The following UGCG variants were observed in gnomAD, a reference collection of about 807,000 sequenced individuals.
The protein encoded by UGCG is UDP-glucose ceramide glucosyltransferase.
Under a neutral mutation model 49.5 loss-of-function variants are expected in UGCG, and 10 were observed. The ratio of observed to expected loss-of-function variants is 0.20; its 90% CI spans 0.12 to 0.34. UGCG has a LOEUF of 0.34. Ranked by LOEUF, UGCG falls within the 10% of genes least tolerant of loss-of-function variation. The pLI is 1.00. For synonymous variants in UGCG, 182 were observed against 158.2 expected (o/e 1.15, Z -1.13); for missense variants, 312 against 483.7 (o/e 0.65, Z 3.33).
intron 1 of UGCG, among the ~76,000 whole-genome samples, chr9:111,904,200 G>C (rs1001581157): frequency 1.3e-5 from 2 of 152,106 alleles, no homozygotes; most frequent in Non-Finnish European, 2.9e-5. Context: ...GCCTCACCTC[G>C]TATCAGTCTG....
intron 1 of UGCG, among the ~76,000 whole-genome samples, chr9:111,911,758 G>T (rs118087089): frequency 0.038 from 5,796 of 151,258 alleles, 163 homozygotes; most frequent in African/African-American, 0.074. Context: ...AATTAGCCTG[G>T]TGTGGTGGAG....
chr9:111,919,558 G>A (rs968214526), intron 2 of UGCG, among the ~76,000 whole-genome samples: 1 of 152,148 alleles, frequency 6.6e-6, no homozygotes, highest in African/African-American at 2.4e-5. Context: ...CTGGGAGGCC[G>A]AGGCAGGCAG....
chr9:111,919,787 T>TC (rs1009701487), intron 2 of UGCG, among the ~76,000 whole-genome samples: 1 of 123,020 alleles, frequency 8.1e-6, no homozygotes, highest in Non-Finnish European at 1.6e-5. Flanking sequence ...AGAGCGAGAC[T>TC]CCATCTCAAA....
chr9:111,904,931 G>A (rs534908647), intron 1 of UGCG, among the ~76,000 whole-genome samples: 1 of 152,204 alleles, frequency 6.6e-6, no homozygotes, highest in Non-Finnish European at 1.5e-5. Context: ...TTCAAAACCA[G>A]CCTGAGCAAT....
chr9:111,932,368 A>C lies in UGCG; in HGVS notation c.1014+9A>C. 6.2e-7 allele frequency: 1 copy of C among 1,609,662 alleles called. No individual in the cohort carries two copies. The highest frequency in any genetic ancestry group is 1.7e-4 in the Middle Eastern group (1 of 6,046). ...AACTCAGGGGTGTCCAGGTATGTGG[A>C]TAGGCATGAAAAGGTTGGCAGTCCC... On this transcript the variant is annotated intron_variant, in intron 8 of 8. Transcript: ENST00000374279.
chr9:111,921,648 CAAA>C (rs1329952563), intron 2 of UGCG, among the ~76,000 whole-genome samples: 1 of 121,294 alleles, frequency 8.2e-6, no homozygotes, highest in Non-Finnish European at 1.8e-5. Context: ...GACTCTGTCT[CAAA>C]AAAAAAAAAA....
At chr9:111,912,542 C>CACT (rs932744869) in intron 1 of UGCG, among the ~76,000 whole-genome samples, 17 of 151,662 alleles carry the variant, frequency 1.1e-4, no homozygotes, top group Admixed American at 9.9e-4. Context: ...CGCACCACTG[C>CACT]ACTCCAGCCT....
At position 111,902,694 on chromosome 9, in the gene UGCG, A is replaced by G. The variant is rs574521196; in HGVS notation, c.98+5381A>G. Among the ~76,000 whole-genome samples the G allele has an allele frequency of 7.2e-5, 11 of 152,340 alleles. No homozygotes were observed. The East Asian group carries it at 1.3e-3, about 19-fold the overall frequency. On this transcript the variant is annotated intron_variant, in intron 1 of 8. Transcript: ENST00000374279. ...AGAACCACACAGCGGAATTATAAAA[A>G]CAACACATTCTGGGGTTGTTAAGCA...
intron 2 of UGCG, among the ~76,000 whole-genome samples, chr9:111,917,547 T>G (rs1838132249): frequency 6.6e-6 from 1 of 152,226 alleles, no homozygotes; most frequent in Admixed American, 6.5e-5. Context: ...GGACATAACT[T>G]TCTCTTCTAA....
At chr9:111,931,438 TTAAA>T (rs1838423072) in intron 7 of UGCG, 81 bp downstream of exon 7, 1 of 1,306,608 alleles carries the variant, frequency 7.7e-7, no homozygotes, top group South Asian at 1.3e-5. Flanking sequence ...TTTAATGTAG[TTAAA>T]TGAATGTACC....
chr9:111,902,304 A>G (rs149738193), intron 1 of UGCG, among the ~76,000 whole-genome samples: 71 of 152,292 alleles, frequency 4.7e-4, no homozygotes, highest in African/African-American at 1.6e-3. Context: ...GTGTTTTCCT[A>G]TAGAGCTAAC....
chr9:111,915,748 T>G, intron 2 of UGCG: 2 of 980,290 alleles, frequency 2.0e-6, no homozygotes, highest in Non-Finnish European at 2.4e-6. Context: ...CTCTTATTTC[T>G]TTTCTTTTAG....
At chr9:111,904,711 A>T (rs1387589330) in intron 1 of UGCG, among the ~76,000 whole-genome samples, 2 of 152,052 alleles carry the variant, frequency 1.3e-5, no homozygotes, top group South Asian at 2.1e-4. Flanking sequence ...AAATACAAAA[A>T]ATTAGCCGGG....
Position 111,929,484 on chromosome 9 carries a change from G to C in UGCG, c.559-16G>C. 1.9e-6 allele frequency: 3 copies of C among 1,601,598 alleles called. No homozygotes were observed. Among genetic ancestry groups the C allele is most frequent in the Non-Finnish European group, 2.6e-6 (3 of 1,174,106 alleles). Reference sequence around the variant, plus strand: ...CATGAAATTCTAATCATACACGTTTGTGGTTTTTTGGGCAGGTATATTTTG... The same window carrying C: ...CATGAAATTCTAATCATACACGTTTCTGGTTTTTTGGGCAGGTATATTTTG... On this transcript the variant is annotated splice_polypyrimidine_tract_variant and intron_variant, in intron 5 of 8. Coordinates refer to ENST00000374279, the MANE Select transcript of UGCG (RefSeq NM_003358.3).
rs1441592822 is a variant in UGCG, at chr9:111,918,923, T to C, written c.241-3926T>C. Among the ~76,000 whole-genome samples, 5 of 87,940 alleles carry C rather than the reference T, an allele frequency of 5.7e-5. No individual in the cohort carries two copies. In the East Asian group the frequency reaches 1.5e-3, roughly 27 times the overall value. 57.7% of individuals were successfully genotyped at this position (87,940 alleles called of 152,430 possible). A position where few individuals can be genotyped will look rare whatever the true frequency, so the allele number is the denominator to read the frequency against. On this transcript the variant is annotated intron_variant, in intron 2 of 8. Coordinates refer to ENST00000374279, the MANE Select transcript of UGCG (RefSeq NM_003358.3). ...CTGGGCGACAGAACGAGACTCCGTCTCAAAAAAAAAAAACAAAAAACAAAA... is the reference window on the plus strand; with the variant it reads ...CTGGGCGACAGAACGAGACTCCGTCCCAAAAAAAAAAAACAAAAAACAAAA...
chr9:111,930,532 A>G (rs140824706), intron 6 of UGCG, among the ~76,000 whole-genome samples: 2,875 of 150,670 alleles, frequency 0.019, 45 homozygotes, highest in East Asian at 0.063. Flanking sequence ...CAGTGGCGCA[A>G]TCTCGGCTCA....
intron 5 of UGCG, among the ~76,000 whole-genome samples, chr9:111,928,898 G>A (rs780550195): frequency 6.6e-6 from 1 of 152,046 alleles, no homozygotes; most frequent in Non-Finnish European, 1.5e-5. Flanking sequence ...TGGCAGTAGC[G>A]GATGAGAGAA....
At chr9:111,904,801 A>G (rs1213728234) in intron 1 of UGCG, among the ~76,000 whole-genome samples, 1 of 152,150 alleles carries the variant, frequency 6.6e-6, no homozygotes, top group Non-Finnish European at 1.5e-5. Context: ...GGTGGAGGTT[A>G]CAGTGAGCCA....
chr9:111,915,319 A>G (rs1486487102), intron 2 of UGCG, among the ~76,000 whole-genome samples: 1 of 152,134 alleles, frequency 6.6e-6, no homozygotes, highest in Non-Finnish European at 1.5e-5. Context: ...GTACTCCCTT[A>G]ATTGGAGACC....
Sources: gnomAD v4.1 joint callset for allele counts (sites outside exome capture counted in the v4.1 genomes callset) on GRCh38, gnomAD v4.1.1 for gene constraint, MANE v1.5 for transcripts, NCBI Gene and HGNC (gene_info 2026-07-23, HGNC 2026-07-21) for gene names.